Variants in FBXL17 observed in about 807,000 individuals in gnomAD.
The protein encoded by FBXL17 is F-box and leucine rich repeat protein 17, also known as F-box/LRR-repeat protein 17.
Under a neutral mutation model 66.2 loss-of-function variants are expected in FBXL17, and 22 were observed. The ratio of observed to expected loss-of-function variants is 0.33; its 90% CI spans 0.24 to 0.47. FBXL17 has a LOEUF of 0.47. Among genes scored for constraint, FBXL17 ranks in the 20% least tolerant of loss-of-function variants. The probability of loss-of-function intolerance (pLI) is 1.00; values close to 1 mark genes in which losing one functional copy is unlikely to be tolerated. For missense variants in FBXL17, 878 were observed against 948.2 expected, an observed-to-expected ratio of 0.93 and a Z score of 0.97; for synonymous variants, 474 against 400.5, an observed-to-expected ratio of 1.18 and a Z score of -2.19.
intron 4 of FBXL17, among the ~76,000 whole-genome samples, chr5:108,235,832 G>T (rs1755575713): frequency 6.6e-6 from 1 of 152,142 alleles, no homozygotes; most frequent in African/African-American, 2.4e-5. Context: ...TAAAATGAAT[G>T]AATGAAGTAT....
intron 6 of FBXL17, among the ~76,000 whole-genome samples, chr5:108,066,356 T>C (rs1426960885): frequency 6.6e-6 from 1 of 152,152 alleles, no homozygotes; most frequent in Non-Finnish European, 1.5e-5. Context: ...TAGCATTGTA[T>C]CTTTTTTGAC....
At chr5:108,125,247 C>T (rs529869541) in intron 6 of FBXL17, among the ~76,000 whole-genome samples, 1 of 152,044 alleles carries the variant, frequency 6.6e-6, no homozygotes, top group East Asian at 1.9e-4. Flanking sequence ...CATTATACGC[C>T]TATATCAAAA....
chr5:107,993,923 T>C (rs9328027), intron 7 of FBXL17, among the ~76,000 whole-genome samples: 95,027 of 152,072 alleles, frequency 0.62, 30,332 homozygotes, highest in African/African-American at 0.77. Flanking sequence ...ATATCCTTTT[T>C]TTAAGAATAT....
chr5:108,081,333 A>C (rs1748753664), intron 6 of FBXL17, among the ~76,000 whole-genome samples: 1 of 152,048 alleles, frequency 6.6e-6, no homozygotes. Context: ...TTGGTTGGGG[A>C]GCCTGGAATT....
chr5:108,025,300 T>A (rs190971415), intron 6 of FBXL17, among the ~76,000 whole-genome samples: 28 of 152,244 alleles, frequency 1.8e-4, no homozygotes, highest in Middle Eastern at 3.4e-3. Flanking sequence ...AGAGATGCAT[T>A]AGTATGTGGC....
chr5:108,158,390 CAAAA>C, intron 6 of FBXL17, among the ~76,000 whole-genome samples: 1 of 151,970 alleles, frequency 6.6e-6, no homozygotes, highest in East Asian at 1.9e-4. Context: ...ATTAAAACCT[CAAAA>C]AAGGGGCTTA....
chr5:108,056,207 T>C (rs1477484172), intron 6 of FBXL17, among the ~76,000 whole-genome samples: 1 of 152,230 alleles, frequency 6.6e-6, no homozygotes, highest in South Asian at 2.1e-4. Flanking sequence ...GTGATGGTCC[T>C]TTAGTTGCCT....
chr5:108,177,666 T>C (rs901169382), intron 6 of FBXL17, among the ~76,000 whole-genome samples: 11 of 151,922 alleles, frequency 7.2e-5, no homozygotes, highest in South Asian at 2.1e-4. Flanking sequence ...GAGCCCTTCA[T>C]GGTAGGAGCT....
At chr5:108,170,063 A>C (rs1752549435) in intron 6 of FBXL17, among the ~76,000 whole-genome samples, 1 of 152,216 alleles carries the variant, frequency 6.6e-6, no homozygotes, top group South Asian at 2.1e-4. Flanking sequence ...AGATTCTCCA[A>C]ATATATATTC....
At chr5:107,935,775 T>C (rs1328391617) in intron 7 of FBXL17, among the ~76,000 whole-genome samples, 1 of 152,078 alleles carries the variant, frequency 6.6e-6, no homozygotes, top group Non-Finnish European at 1.5e-5. Flanking sequence ...GCTTGTCCAA[T>C]AGGTTCACAA....
intron 1 of FBXL17, among the ~76,000 whole-genome samples, chr5:108,378,321 T>C: frequency 9.7e-6 from 1 of 103,254 alleles, no homozygotes; most frequent in South Asian, 2.8e-4. Flanking sequence ...ACCTGCCTCG[T>C]TTTTGTTTTT....
intron 6 of FBXL17, among the ~76,000 whole-genome samples, chr5:108,094,419 C>G (rs1376667545): frequency 1.3e-5 from 2 of 152,206 alleles, no homozygotes; most frequent in East Asian, 3.9e-4. Context: ...GCCAGCAGGA[C>G]AAGTGTTGAA....
At chr5:108,281,645 TA>T (rs1757705366) in intron 4 of FBXL17, among the ~76,000 whole-genome samples, 1 of 151,162 alleles carries the variant, frequency 6.6e-6, no homozygotes, top group African/African-American at 2.4e-5. Context: ...AAGAATAAAA[TA>T]AACCCCAAAT....
rs181217889 is a variant in FBXL17, at chr5:107,969,241, T to C, written c.1822+51684A>G. Among the ~76,000 whole-genome samples the C allele has an allele frequency of 2.0e-5, 3 of 152,286 alleles. No individual in the cohort carries two copies. The East Asian group carries it at 5.8e-4, about 29-fold the overall frequency. On this transcript the variant is annotated intron_variant, in intron 7 of 8. Coordinates refer to ENST00000542267, the MANE Select transcript of FBXL17 (RefSeq NM_001163315.3). Reference sequence around the variant, plus strand: ...GTCATTGAAAGCATGGATAAATAGCTTTCCATACCGCATGGGGTACTGTGG... The same window carrying C: ...GTCATTGAAAGCATGGATAAATAGCCTTCCATACCGCATGGGGTACTGTGG...
chr5:107,907,387 A>G (rs1671060945), intron 7 of FBXL17, among the ~76,000 whole-genome samples: 1 of 152,190 alleles, frequency 6.6e-6, no homozygotes, highest in Admixed American at 6.6e-5. Context: ...ATACGGGCTC[A>G]GAACTAAGCA....
intron 6 of FBXL17, among the ~76,000 whole-genome samples, chr5:108,118,857 A>G (rs1255555205): frequency 6.6e-6 from 1 of 152,022 alleles, no homozygotes; most frequent in Non-Finnish European, 1.5e-5. Context: ...GATCTATTTT[A>G]CACATGTGAT....
chr5:108,381,067 G>C lies in FBXL17; in HGVS notation c.625C>G (p.Pro209Ala). ...RKGAGVPACT[P>A]CKQPRCGGGG... ...CCGCCGCAGCGGGGCTGCTTGCAGGGGGTGCAGGCGGGGACCCCGGCCCCC... is the reference window on the plus strand; with the variant it reads ...CCGCCGCAGCGGGGCTGCTTGCAGGCGGTGCAGGCGGGGACCCCGGCCCCC... The change falls in exon 1 of 9, where the codon CCC (proline) becomes GCC (alanine). Residue 209 changes from proline to alanine, a missense_variant. Around this residue, in one of 4 missense-constraint regions of FBXL17, gnomAD observed 605 missense variants for 509.5 expected, o/e 1.19. Coordinates refer to ENST00000542267, the MANE Select transcript of FBXL17 (RefSeq NM_001163315.3). 1 of 1,227,320 alleles carries C rather than the reference G, an allele frequency of 8.1e-7. No homozygotes were observed. The highest frequency in any genetic ancestry group is 1.0e-6 in the Non-Finnish European group (1 of 984,988). 76.0% of individuals were successfully genotyped at this position (1,227,320 alleles called of 1,614,324 possible).
intron 7 of FBXL17, among the ~76,000 whole-genome samples, chr5:108,006,467 A>C (rs1420275850): frequency 6.6e-6 from 1 of 152,206 alleles, no homozygotes; most frequent in Non-Finnish European, 1.5e-5. Context: ...TAAAAAGGTG[A>C]ATAGTGATGC....
intron 4 of FBXL17, among the ~76,000 whole-genome samples, chr5:108,256,401 C>T (rs1044278953): frequency 5.9e-5 from 9 of 152,016 alleles, no homozygotes; most frequent in Non-Finnish European, 4.4e-5. Flanking sequence ...AGGCACCTGG[C>T]TTGAATTATC....
Sources: gnomAD v4.1 joint callset for allele counts (sites outside exome capture counted in the v4.1 genomes callset) on GRCh38, gnomAD v4.1.1 for gene constraint, gnomAD v4.1.1 regional missense constraint, MANE v1.5 for transcripts, NCBI Gene and HGNC (gene_info 2026-07-23, HGNC 2026-07-21) for gene names.